Variants in ATP2C1 observed in about 807,000 individuals in gnomAD.
ATP2C1 encodes the protein ATPase secretory pathway Ca2+ transporting 1, also known as calcium-transporting ATPase type 2C member 1.
A neutral mutation model predicts 120.5 loss-of-function variants in ATP2C1; 31 were observed. The ratio of observed to expected loss-of-function variants is 0.26; its 90% CI spans 0.19 to 0.35. The LOEUF is 0.35. ATP2C1 is among the 10% of genes least tolerant of loss of function. ATP2C1 has a pLI of 1.00. For synonymous variants in ATP2C1, 351 were observed against 358.7 expected, an observed-to-expected ratio of 0.98 and a Z score of 0.24; for missense variants, 731 against 1,107.5, an observed-to-expected ratio of 0.66 and a Z score of 4.83.
intron 1 of ATP2C1, among the ~76,000 whole-genome samples, chr3:130,859,177 G>A (rs1267425340): frequency 6.6e-6 from 1 of 152,218 alleles, no homozygotes; most frequent in East Asian, 1.9e-4. Context: ...GGGCATAGAT[G>A]TGTAGTTAGG....
intron 26 of ATP2C1, among the ~76,000 whole-genome samples, chr3:131,013,220 C>T (rs1020087333): frequency 7.2e-5 from 11 of 152,292 alleles, no homozygotes; most frequent in Admixed American, 7.2e-4. Context: ...TTTTCCAGAG[C>T]AGTACCTTTT....
Position 131,002,335 on chromosome 3 carries a change from G to A in ATP2C1, c.*985G>A, listed in dbSNP as rs2062930203. The A allele has an allele frequency of 1.0e-6, 1 of 984,674 alleles. No homozygotes were observed. Among genetic ancestry groups the A allele is most frequent in the South Asian group, 4.7e-5 (1 of 21,286 alleles). 61.0% of individuals were successfully genotyped at this position (984,674 alleles called of 1,614,324 possible). Reference sequence around the variant, plus strand: ...TAGGAAGTATAGGCTACTGGACTTAGAATAAAAAGTCCCCAAACCCAAACA... The same window carrying A: ...TAGGAAGTATAGGCTACTGGACTTAAAATAAAAAGTCCCCAAACCCAAACA... On this transcript the variant is annotated 3_prime_UTR_variant, in exon 28 of 28. Transcript: ENST00000510168.
chr3:130,997,005 G>A (rs1054220047), intron 24 of ATP2C1, among the ~76,000 whole-genome samples: 1 of 98,898 alleles, frequency 1.0e-5, no homozygotes, highest in African/African-American at 3.9e-5. Flanking sequence ...ACTGTTAGAT[G>A]CCTAGCCTAA....
chr3:130,997,613 G>A lies in ATP2C1; in HGVS notation c.2251G>A (p.Val751Ile). The A allele has an allele frequency of 6.2e-7, 1 of 1,613,194 alleles. No individual in the cohort carries two copies. The highest frequency in any genetic ancestry group is 1.3e-5 in the African/African-American group (1 of 75,028). The part of the protein sequence containing the change: ...MDGPPAQSLG[V>I]EPVDKDVIRK... ...TTTCTGTTTGTTTTTAAGCCTTGGA[G>A]TAGAACCAGTGGATAAAGATGTCAT... Residue 751 changes from valine (V) to isoleucine (I), a missense_variant, in exon 25 of 28, where the codon GTA becomes ATA. Coordinates refer to ENST00000510168, the MANE Select transcript of ATP2C1 (RefSeq NM_001378687.1).
chr3:130,924,508 C>G (rs1313709831), intron 2 of ATP2C1, among the ~76,000 whole-genome samples: 1 of 152,280 alleles, frequency 6.6e-6, no homozygotes, highest in Non-Finnish European at 1.5e-5. Flanking sequence ...TCTTAAGATT[C>G]TTTCCTTCAT....
At chr3:130,930,045 T>G in intron 2 of ATP2C1, 1 of 348,668 alleles carries the variant, frequency 2.9e-6, no homozygotes, top group Admixed American at 4.1e-5. Flanking sequence ...AGCTGTACTT[T>G]GTCTTGCATG....
At chr3:130,944,489 G>A (rs762257072) in intron 8 of ATP2C1, among the ~76,000 whole-genome samples, 13 of 152,086 alleles carry the variant, frequency 8.5e-5, no homozygotes, top group South Asian at 2.1e-4. Context: ...CTCACATGGC[G>A]GAGACAGCAA....
At chr3:130,863,565 C>A (rs1407695625) in intron 1 of ATP2C1, among the ~76,000 whole-genome samples, 1 of 152,132 alleles carries the variant, frequency 6.6e-6, no homozygotes, top group Admixed American at 6.5e-5. Context: ...TTTGCAAACT[C>A]ATGTGTTATT....
intron 2 of ATP2C1, chr3:130,928,073 C>T (rs564662977): frequency 6.6e-6 from 1 of 152,552 alleles, no homozygotes; most frequent in Admixed American, 6.5e-5. Context: ...GTTAAAATAC[C>T]TACATGCCTT....
intron 2 of ATP2C1, among the ~76,000 whole-genome samples, chr3:130,917,184 C>T (rs2058726203): frequency 6.6e-6 from 1 of 152,090 alleles, no homozygotes; most frequent in Non-Finnish European, 1.5e-5. Context: ...GTAAGTGTTG[C>T]TGAGTGTGTT....
intron 4 of ATP2C1, among the ~76,000 whole-genome samples, chr3:130,933,822 A>G (rs544683555): frequency 6.6e-6 from 1 of 152,264 alleles, no homozygotes; most frequent in East Asian, 1.9e-4. Context: ...AGGGAATGGA[A>G]CCATAAAGGG....
At chr3:130,957,504 C>T (rs1315934270) in intron 11 of ATP2C1, among the ~76,000 whole-genome samples, 1 of 152,014 alleles carries the variant, frequency 6.6e-6, no homozygotes, top group Non-Finnish European at 1.5e-5. Flanking sequence ...AATTTTCTTA[C>T]CGTGTTAATT....
At chr3:130,867,462 G>T (rs1478992883) in intron 1 of ATP2C1, among the ~76,000 whole-genome samples, 1 of 138,170 alleles carries the variant, frequency 7.2e-6, no homozygotes, top group Non-Finnish European at 1.6e-5. Flanking sequence ...ACTGGTTTTC[G>T]TTTTTTTTTG....
chr3:130,899,750 A>C (rs1412880420), intron 2 of ATP2C1: 1 of 152,178 alleles, frequency 6.6e-6, no homozygotes, highest in African/African-American at 2.4e-5. Context: ...GAAATGTTGA[A>C]AAGCTGTCCT....
chr3:130,955,100 A>G lies in ATP2C1; in HGVS notation c.756+20A>G, dbSNP rs777977205. 9.9e-6 allele frequency: 15 copies of G among 1,518,068 alleles called. No individual in the cohort carries two copies. The highest frequency in any genetic ancestry group is 1.4e-5 in the African/African-American group (1 of 72,922). The allele number at this position is 1,518,068 out of a possible 1,614,324, so 94.0% of individuals were successfully genotyped here. Reference sequence around the variant, plus strand: ...GAAGAGGTGAGTACTTAATATGTTAATGATGTATTTGTTCCAAATCTGAAA... The same window carrying G: ...GAAGAGGTGAGTACTTAATATGTTAGTGATGTATTTGTTCCAAATCTGAAA... On this transcript the variant is annotated intron_variant, in intron 10 of 27. Coordinates refer to ENST00000510168, the MANE Select transcript of ATP2C1 (RefSeq NM_001378687.1).
rs928940604 is a variant in ATP2C1 at position 130,904,460 on chromosome 3, T to C, written c.6+9685T>C. ...GTCAGATCTTCACCCGTGATTAGCATGTCTTATGATGGGTGAAGTTAATGT... is the reference window on the plus strand; with the variant it reads ...GTCAGATCTTCACCCGTGATTAGCACGTCTTATGATGGGTGAAGTTAATGT... On this transcript the variant is annotated intron_variant, in intron 2 of 27. Transcript: ENST00000510168. Among the ~76,000 whole-genome samples the C allele has an allele frequency of 3.8e-4, 58 of 152,066 alleles. 1 individual carries two copies. Among genetic ancestry groups the C allele is most frequent in the African/African-American group, 1.4e-3 (56 of 41,430 alleles).
exon 27 of ATP2C1, chr3:131,016,437 T>C: frequency 7.4e-7 from 1 of 1,359,268 alleles, no homozygotes; most frequent in Admixed American, 2.0e-5. Context: ...AGAAAGAAAT[T>C]AATTTAAAAA....
At chr3:130,940,456 C>T (rs959016542) in intron 6 of ATP2C1, among the ~76,000 whole-genome samples, 174 bp from the exon 7 acceptor site, 18 of 152,038 alleles carry the variant, frequency 1.2e-4, no homozygotes, top group African/African-American at 3.1e-4. Flanking sequence ...AAATTGATCT[C>T]TACATTTAAC....
chr3:130,920,246 T>G (rs551984165), intron 2 of ATP2C1, among the ~76,000 whole-genome samples: 2 of 152,360 alleles, frequency 1.3e-5, no homozygotes, highest in South Asian at 4.1e-4. Flanking sequence ...TATTAAATCC[T>G]TGAGATAATC....
Sources: allele counts gnomAD v4.1 joint callset (sites outside exome capture counted in the v4.1 genomes callset), GRCh38; gene constraint gnomAD v4.1.1; transcripts MANE v1.5; gene names NCBI Gene and HGNC (gene_info 2026-07-23, HGNC 2026-07-21).